Variants in RBPJ observed in about 807,000 individuals in gnomAD.
The protein encoded by RBPJ is recombination signal binding protein for immunoglobulin kappa J region, also known as recombining binding protein suppressor of hairless.
RBPJ carries 9 observed loss-of-function variants against 67.8 expected under a neutral mutation model. That is an observed-to-expected ratio of 0.13 (90% CI 0.08 to 0.23). RBPJ has a LOEUF of 0.23. RBPJ is among the 10% of genes least tolerant of loss of function. RBPJ has a pLI of 1.00. For synonymous variants in RBPJ, 198 were observed against 203.3 expected, an observed-to-expected ratio of 0.97 and a Z score of 0.22; for missense variants, 305 against 595.6, an observed-to-expected ratio of 0.51 and a Z score of 5.08.
chr4:26,246,224 T>A (rs2109229464), intron 1 of RBPJ, among the ~76,000 whole-genome samples: 1 of 152,362 alleles, frequency 6.6e-6, no homozygotes, highest in East Asian at 1.9e-4. Context: ...TATTTAGGTC[T>A]TCTTTAATTT....
chr4:26,404,049 T>C (rs1733125417), intron 2 of RBPJ, among the ~76,000 whole-genome samples: 1 of 152,172 alleles, frequency 6.6e-6, no homozygotes, highest in South Asian at 2.1e-4. Flanking sequence ...CAGCATCTGC[T>C]ATTTTAGTAA....
At chr4:26,301,508 C>T (rs896644889) in intron 1 of RBPJ, among the ~76,000 whole-genome samples, 13 of 151,164 alleles carry the variant, frequency 8.6e-5, no homozygotes, top group Non-Finnish European at 1.6e-4. Flanking sequence ...AGGAGAATGG[C>T]GTGAACCTGG....
At chr4:26,322,020 T>C (rs1463150012) in intron 1 of RBPJ, 3 of 151,922 alleles carry the variant, frequency 2.0e-5, no homozygotes, top group African/African-American at 7.3e-5. Context: ...CATCGCCGTC[T>C]TTTTAGTGCC....
intron 1 of RBPJ, among the ~76,000 whole-genome samples, chr4:26,345,598 G>A (rs1396625394): frequency 6.6e-6 from 1 of 152,160 alleles, no homozygotes; most frequent in Non-Finnish European, 1.5e-5. Context: ...AGTTTATATA[G>A]TTCCTACATC....
intron 1 of RBPJ, among the ~76,000 whole-genome samples, chr4:26,233,601 T>A (rs1719362288): frequency 6.6e-6 from 1 of 152,222 alleles, no homozygotes; most frequent in African/African-American, 2.4e-5. Context: ...ATTATTGGGA[T>A]CCTTAGTACC....
chr4:26,128,382 G>T, the RBPJ span, among the ~76,000 whole-genome samples: 10 of 152,284 alleles, frequency 6.6e-5, no homozygotes, highest in East Asian at 1.9e-3. Flanking sequence ...CAGCAAGTTT[G>T]CAAGATAATA....
intron 1 of RBPJ, among the ~76,000 whole-genome samples, chr4:26,260,991 G>A (rs948991135): frequency 1.3e-5 from 2 of 152,104 alleles, no homozygotes; most frequent in Admixed American, 6.5e-5. Flanking sequence ...CATGACCAAT[G>A]TTATACTCCC....
chr4:26,278,589 T>C (rs974856166), intron 1 of RBPJ, among the ~76,000 whole-genome samples: 3 of 152,230 alleles, frequency 2.0e-5, no homozygotes, highest in Non-Finnish European at 2.9e-5. Flanking sequence ...TCTACACCTA[T>C]AGGATTATGA....
chr4:26,165,000 G>T (rs1716212985), intron 1 of RBPJ, among the ~76,000 whole-genome samples: 1 of 152,066 alleles, frequency 6.6e-6, no homozygotes, highest in Non-Finnish European at 1.5e-5. Context: ...AATACATATA[G>T]TGTAGTATTA....
chr4:26,217,360 T>A (rs1056109786), intron 1 of RBPJ, among the ~76,000 whole-genome samples: 1 of 152,184 alleles, frequency 6.6e-6, no homozygotes, highest in Non-Finnish European at 1.5e-5. Context: ...TCCATTCAGC[T>A]GTGTGCTCCT....
intron 1 of RBPJ, among the ~76,000 whole-genome samples, chr4:26,192,603 G>A (rs1323465109): frequency 2.6e-5 from 4 of 152,158 alleles, no homozygotes; most frequent in African/African-American, 9.7e-5. Flanking sequence ...TCAACTCTAT[G>A]AGGTGGGTCT....
Position 26,386,358 on chromosome 4 carries a change from T to G in RBPJ, c.26T>G (p.Phe9Cys). 6.2e-7 allele frequency: 1 copy of G among 1,602,042 alleles called. No homozygotes were observed. The highest frequency in any genetic ancestry group is 8.5e-7 in the Non-Finnish European group (1 of 1,174,118). MAPVVTGK[F>C]GERPPPKRLT... is the part of the protein sequence containing the mutation. ...CTTTATTTTTTTTTTTCCAGGAAATTTGGTGAGCGGCCTCCACCTAAACGA... is the reference window on the plus strand; with the variant it reads ...CTTTATTTTTTTTTTTCCAGGAAATGTGGTGAGCGGCCTCCACCTAAACGA... The change falls in exon 2 of 11, where the codon TTT becomes TGT. Residue 9 changes from phenylalanine to cysteine, a missense_variant. Physicochemically the swap from Phe to Cys is radical, Grantham distance 205. Transcript: ENST00000355476.
intron 1 of RBPJ, among the ~76,000 whole-genome samples, chr4:26,324,524 A>G (rs749963461): frequency 6.6e-6 from 1 of 151,638 alleles, no homozygotes; most frequent in African/African-American, 2.4e-5. Flanking sequence ...GCAATATTCT[A>G]TTTATTTATT....
chr4:26,374,004 C>G (rs182055413), intron 1 of RBPJ, among the ~76,000 whole-genome samples: 2 of 150,802 alleles, frequency 1.3e-5, no homozygotes, highest in Non-Finnish European at 2.9e-5. Context: ...CTGCAGCCTC[C>G]GCCTCCTGGG....
chr4:26,243,154 G>A (rs1719707372), intron 1 of RBPJ, among the ~76,000 whole-genome samples: 1 of 152,102 alleles, frequency 6.6e-6, no homozygotes, highest in African/African-American at 2.4e-5. Flanking sequence ...TTGAACCCGG[G>A]AGGCAGAGGT....
At position 26,321,068 on chromosome 4, in the gene RBPJ, A is replaced by G. The variant is rs751401144; in HGVS notation, c.20+20A>G. ...GACAGGGTAAGTCTGAGGGAATCGG[A>G]GCGCCGGGAACCGGGAAAGTTGCGG... On this transcript the variant is annotated intron_variant, in intron 1 of 10. Coordinates refer to ENST00000355476, the MANE Select transcript of RBPJ (RefSeq NM_015874.6). 2 of 1,585,326 alleles carry G rather than the reference A, an allele frequency of 1.3e-6. No individual in the cohort carries two copies. Among genetic ancestry groups the G allele is most frequent in the Admixed American group, 3.4e-5 (2 of 59,650 alleles).
At chr4:26,285,631 C>T (rs1721438252) in intron 1 of RBPJ, among the ~76,000 whole-genome samples, 1 of 145,540 alleles carries the variant, frequency 6.9e-6, no homozygotes, top group South Asian at 2.1e-4. Flanking sequence ...CACACCAAAA[C>T]CCTTATGTAA....
chr4:26,328,726 T>C (rs1164373262), intron 1 of RBPJ, among the ~76,000 whole-genome samples: 1 of 152,164 alleles, frequency 6.6e-6, no homozygotes, highest in African/African-American at 2.4e-5. Context: ...CCTCCTGGGC[T>C]CAAGGGATCC....
chr4:26,409,180 G>A (rs1733771925), intron 3 of RBPJ, among the ~76,000 whole-genome samples: 1 of 152,198 alleles, frequency 6.6e-6, no homozygotes, highest in Non-Finnish European at 1.5e-5. Flanking sequence ...ATACCGGGAT[G>A]TATAACTGAG....
Sources: gnomAD v4.1 joint callset for allele counts (sites outside exome capture counted in the v4.1 genomes callset) on GRCh38, gnomAD v4.1.1 for gene constraint, MANE v1.5 for transcripts, NCBI Gene and HGNC (gene_info 2026-07-23, HGNC 2026-07-21) for gene names.